BNC2: variants seen among roughly 807,000 people sequenced by gnomAD.
BNC2 encodes the protein zinc finger protein basonuclin-2.
A neutral mutation model predicts 76.3 loss-of-function variants in BNC2; 20 were observed. That is an observed-to-expected ratio of 0.26 (90% CI 0.18 to 0.38). The LOEUF (loss-of-function observed/expected upper bound fraction) is 0.38, where lower values mean the gene tolerates loss of function less well. Among genes scored for constraint, BNC2 ranks in the 10% least tolerant of loss-of-function variants. The pLI is 1.00. For synonymous variants in BNC2, 582 were observed against 514.8 expected, an observed-to-expected ratio of 1.13 and a Z score of -1.77; for missense variants, 1,382 against 1,399.8, an observed-to-expected ratio of 0.99 and a Z score of 0.20.
chr9:16,632,132 C>A (rs1159665285), intron 3 of BNC2, among the ~76,000 whole-genome samples: 1 of 152,174 alleles, frequency 6.6e-6, no homozygotes, highest in Non-Finnish European at 1.5e-5. Flanking sequence ...TGCTCAGTCT[C>A]CTTACTCCAG....
intron 1 of BNC2, among the ~76,000 whole-genome samples, chr9:16,803,419 G>A (rs1817830311): frequency 1.3e-5 from 2 of 152,130 alleles, no homozygotes; most frequent in Admixed American, 1.3e-4. Flanking sequence ...GGGAGGCAAG[G>A]GCTGGATTAT....
intron 3 of BNC2, among the ~76,000 whole-genome samples, chr9:16,671,911 G>C (rs556733972): frequency 1.3e-5 from 2 of 152,300 alleles, no homozygotes; most frequent in African/African-American, 4.8e-5. Flanking sequence ...ACAGAGCCAA[G>C]TGTAACAGTG....
At chr9:16,655,397 G>A (rs376919686) in intron 3 of BNC2, among the ~76,000 whole-genome samples, 1 of 152,018 alleles carries the variant, frequency 6.6e-6, no homozygotes, top group Non-Finnish European at 1.5e-5. Context: ...CCTGCAGGCC[G>A]CATCTGCCGA....
intron 5 of BNC2, among the ~76,000 whole-genome samples, chr9:16,521,449 T>C (rs572433497): frequency 1.3e-5 from 2 of 152,356 alleles, no homozygotes; most frequent in Admixed American, 1.3e-4. Flanking sequence ...CGTGTTAGCA[T>C]GGCAGTATTC....
chr9:16,737,667 C>A (rs948677605), intron 2 of BNC2, among the ~76,000 whole-genome samples: 2 of 151,662 alleles, frequency 1.3e-5, no homozygotes, highest in East Asian at 1.9e-4. Flanking sequence ...ATATTTAAAT[C>A]GAAAAATGTT....
intron 4 of BNC2, among the ~76,000 whole-genome samples, chr9:16,568,438 G>A (rs1392113862): frequency 6.6e-6 from 1 of 151,856 alleles, no homozygotes; most frequent in Non-Finnish European, 1.5e-5. Flanking sequence ...TTGCTAATAC[G>A]ACCAATAATT....
chr9:16,417,649 A>C lies in BNC2; in HGVS notation c.*1340T>G, dbSNP rs1388161473. 1 of 152,560 alleles carries C rather than the reference A, an allele frequency of 6.6e-6. No homozygotes were observed. The highest frequency in any genetic ancestry group is 1.5e-5 in the Non-Finnish European group (1 of 68,034). The allele number at this position is 152,560 out of a possible 1,614,324, so 9.5% of individuals were successfully genotyped here. On this transcript the variant is annotated 3_prime_UTR_variant, in exon 7 of 7. Coordinates refer to ENST00000380672, the MANE Select transcript of BNC2 (RefSeq NM_017637.6). ...ACAACAGACCGACCCAGTTCAGAGG[A>C]TTTCTTTTTAAAGGATAAGGGTTAG...
intron 6 of BNC2, among the ~76,000 whole-genome samples, chr9:16,421,756 TACA>T (rs1414512316): frequency 6.6e-6 from 1 of 152,182 alleles, no homozygotes; most frequent in Non-Finnish European, 1.5e-5. Context: ...GACATGTGGG[TACA>T]ACACCACCAG....
chr9:16,769,681 G>GT (rs921595474), intron 1 of BNC2, among the ~76,000 whole-genome samples: 40 of 152,304 alleles, frequency 2.6e-4, no homozygotes, highest in African/African-American at 8.9e-4. Context: ...ACAAAATGAG[G>GT]TAAGTAGTCT....
chr9:16,569,939 A>G (rs1819273337), intron 4 of BNC2, among the ~76,000 whole-genome samples: 2 of 152,220 alleles, frequency 1.3e-5, no homozygotes, highest in African/African-American at 4.8e-5. Flanking sequence ...AATGGATTTA[A>G]TACACAGTAC....
chr9:16,545,772 C>A (rs950396553), intron 5 of BNC2, among the ~76,000 whole-genome samples: 2 of 152,126 alleles, frequency 1.3e-5, no homozygotes, highest in African/African-American at 4.8e-5. Context: ...CACTTCTGAG[C>A]CACATCCATG....
At chr9:16,487,037 T>A (rs1327118627) in intron 5 of BNC2, among the ~76,000 whole-genome samples, 3 of 152,238 alleles carry the variant, frequency 2.0e-5, no homozygotes, top group South Asian at 4.1e-4. Context: ...ATTTTTGCCT[T>A]TTAAATCCAC....
rs188962644 is a variant in BNC2 at position 16,848,986 on chromosome 9, G to C, written c.3+21660C>G. 7.2e-5 allele frequency among the ~76,000 whole-genome samples: 11 copies of C among 152,242 alleles called. No individual in the cohort carries two copies. In the East Asian group the frequency reaches 2.1e-3, roughly 29 times the overall value. ...GTTTAGACTTAGGTCCTGTCCCTGA[G>C]ATACCCCATTATGTAAATGTAAATA... is the stretch of plus-strand genomic sequence containing the variant. On this transcript the variant is annotated intron_variant, in intron 1 of 6. Coordinates refer to ENST00000380672, the MANE Select transcript of BNC2 (RefSeq NM_017637.6).
chr9:16,476,942 G>A (rs1821940845), intron 5 of BNC2, among the ~76,000 whole-genome samples: 1 of 152,130 alleles, frequency 6.6e-6, no homozygotes, highest in Non-Finnish European at 1.5e-5. Flanking sequence ...CATTAGCAGG[G>A]AGGGTGTCAG....
intron 3 of BNC2, among the ~76,000 whole-genome samples, chr9:16,712,451 T>A (rs529371646): frequency 1.3e-5 from 2 of 152,322 alleles, no homozygotes; most frequent in South Asian, 2.1e-4. Flanking sequence ...ATTCATAACA[T>A]CTTAGAGTAT....
chr9:16,523,727 C>G (rs1817696262), intron 5 of BNC2, among the ~76,000 whole-genome samples: 1 of 152,000 alleles, frequency 6.6e-6, no homozygotes, highest in Non-Finnish European at 1.5e-5. Flanking sequence ...TAGTTCGAGA[C>G]CAGCCTGGCC....
intron 4 of BNC2, among the ~76,000 whole-genome samples, chr9:16,562,791 T>C (rs1296803885): frequency 1.3e-5 from 2 of 152,200 alleles, no homozygotes; most frequent in Non-Finnish European, 2.9e-5. Flanking sequence ...GTGATACACA[T>C]GGAACCGTAT....
chr9:16,497,807 A>G (rs537315502), intron 5 of BNC2, among the ~76,000 whole-genome samples: 2 of 152,306 alleles, frequency 1.3e-5, no homozygotes, highest in East Asian at 3.9e-4. Context: ...ACAATTATAC[A>G]GAAAAACGCA....
At chr9:16,828,293 T>C (rs1007923391) in intron 1 of BNC2, among the ~76,000 whole-genome samples, 2 of 152,226 alleles carry the variant, frequency 1.3e-5, no homozygotes, top group African/African-American at 4.8e-5. Flanking sequence ...TTATATTTTA[T>C]AGAAAAACCA....
Sources: allele counts gnomAD v4.1 joint callset (sites outside exome capture counted in the v4.1 genomes callset), GRCh38; gene constraint gnomAD v4.1.1; transcripts MANE v1.5; gene names NCBI Gene and HGNC (gene_info 2026-07-23, HGNC 2026-07-21).